The following IRX2 variants were observed in gnomAD, a reference collection of about 807,000 sequenced individuals.
IRX2 encodes iroquois-class homeodomain protein IRX-2.
Under a neutral mutation model 42.9 loss-of-function variants are expected in IRX2, and 26 were observed. The observed-to-expected ratio is 0.61, with a 90% CI of 0.44 to 0.84. The LOEUF is 0.84. Among genes scored for constraint, IRX2 ranks in the 40% least tolerant of loss-of-function variants. The pLI is 0.00. For synonymous variants in IRX2, 424 were observed against 353.9 expected, an observed-to-expected ratio of 1.20 and a Z score of -2.22; for missense variants, 782 against 713.9, an observed-to-expected ratio of 1.10 and a Z score of -1.09.
intron 1 of IRX2, among the ~76,000 whole-genome samples, chr5:2,750,181 C>T (rs1338724073): frequency 6.6e-6 from 1 of 152,128 alleles, no homozygotes; most frequent in African/African-American, 2.4e-5. Context: ...CTTCCCCTCC[C>T]TTATATGGTT....
At chr5:2,739,279 C>T in the IRX2 span, among the ~76,000 whole-genome samples, 1 of 152,204 alleles carries the variant, frequency 6.6e-6, no homozygotes. Context: ...CGAGGTGTCG[C>T]CTGCAAGGCA....
rs1203997782 is a variant in IRX2, at chr5:2,748,795, G to C, written c.913C>G (p.Arg305Gly). The C allele has an allele frequency of 7.0e-7, 1 of 1,421,056 alleles. No homozygotes were observed. Among genetic ancestry groups the C allele is most frequent in the Non-Finnish European group, 9.1e-7 (1 of 1,101,096 alleles). 88.0% of individuals were successfully genotyped at this position (1,421,056 alleles called of 1,614,324 possible). Residue 305 changes from arginine to glycine, a missense_variant, in exon 3 of 4, where the codon CGC (arginine) becomes GGC (glycine). Physicochemically the swap from Arg to Gly is moderately radical, Grantham distance 125. Transcript: ENST00000302057. ...LLSPPPEAAP[R>G]GGRKTPQGSR... The stretch of plus-strand genomic sequence containing the variant: ...CCCTGGGGCGTCTTGCGGCCACCGC[G>C]GGGCGCGGCCTCGGGCGGGGGGCTC...
intron 1 of IRX2, among the ~76,000 whole-genome samples, chr5:2,750,933 G>A (rs1034877120): frequency 1.3e-5 from 2 of 151,988 alleles, no homozygotes; most frequent in Non-Finnish European, 2.9e-5. Flanking sequence ...GGGACGCGCG[G>A]GGGGCGCGCG....
At position 2,749,424 on chromosome 5, in the gene IRX2, C is replaced by A; in HGVS notation, c.613G>T (p.Asp205Tyr). Residue 205 changes from aspartate to tyrosine, a missense_variant, in exon 2 of 4, where the codon GAC (aspartate) becomes TAC (tyrosine). By Grantham distance (160) the Asp-to-Tyr change is radical. Transcript: ENST00000302057. ...GTCTCCGTGCCCTCCTGCGCCTTGT[C>A]GGGACTCTCGTCCTTGCTTCTGGTA... Reference protein sequence around the residue: ...DATRSKDESPDKAQEGTETSA... With the variant: ...DATRSKDESPYKAQEGTETSA... 2 of 1,614,058 alleles carry A rather than the reference C, an allele frequency of 1.2e-6. No individual in the cohort carries two copies. Among genetic ancestry groups the A allele is most frequent in the Non-Finnish European group, 1.7e-6 (2 of 1,179,984 alleles).
rs748509438 is a variant in IRX2, at chr5:2,749,728, G to A, written c.309C>T (p.Tyr103=). ...GMTGAISYHP[Y]GSAAYPYQLN... ...GCTGGTACGGGTAGGCCGCGCTGCC[G>A]TACGGGTGGTAGCTGATGGCGCCGG... Residue 103 remains tyrosine, a synonymous_variant, in exon 2 of 4, where the codon TAC becomes TAT. Coordinates refer to ENST00000302057, the MANE Select transcript of IRX2 (RefSeq NM_033267.5). 4 of 1,613,640 alleles carry A rather than the reference G, an allele frequency of 2.5e-6. No individual in the cohort carries two copies. In the Admixed American group the frequency reaches 6.7e-5, roughly 27 times the overall value.
At chr5:2,736,798 C>T in the IRX2 span, 1 of 152,192 alleles carries the variant, frequency 6.6e-6, no homozygotes, top group Non-Finnish European at 1.5e-5. Flanking sequence ...GCCAGACGTA[C>T]ATAAGAATCA....
At chr5:2,748,306 C>T (rs778906273) in intron 3 of IRX2, 39 bp downstream of exon 3, 1 of 1,373,894 alleles carries the variant, frequency 7.3e-7, no homozygotes, top group Admixed American at 4.0e-5. Flanking sequence ...GGCTGGCTCT[C>T]CCTCCCCTCC....
chr5:2,740,184 G>T, the IRX2 span, among the ~76,000 whole-genome samples: 11 of 150,650 alleles, frequency 7.3e-5, no homozygotes, highest in African/African-American at 2.0e-4. Flanking sequence ...GTGGCGTGCG[G>T]GGGCGGGGGT....
At chr5:2,749,088 G>A (rs760607294) in intron 2 of IRX2, 36 bp from the exon 3 acceptor site, 7 of 1,586,002 alleles carry the variant, frequency 4.4e-6, no homozygotes, top group African/African-American at 1.3e-5. Flanking sequence ...GGCACGAGGG[G>A]ACAGCGCAGG....
At chr5:2,747,909 A>AT (rs1737735630) in intron 3 of IRX2, among the ~76,000 whole-genome samples, 1 of 152,162 alleles carries the variant, frequency 6.6e-6, no homozygotes, top group South Asian at 2.1e-4. Context: ...AAAACATTTG[A>AT]TTTTATCTTT....
chr5:2,742,849 G>A (rs1737572742), downstream of IRX2, among the ~76,000 whole-genome samples: 1 of 152,104 alleles, frequency 6.6e-6, no homozygotes, highest in Non-Finnish European at 1.5e-5. Context: ...CTGTAACAGT[G>A]GTAGTTTAGT....
Position 2,751,651 on chromosome 5 carries a change from G to A in IRX2, c.-238C>T, listed in dbSNP as rs1406851731. 5 of 151,380 alleles carry A rather than the reference G, an allele frequency of 3.3e-5. No homozygotes were observed. Among genetic ancestry groups the A allele is most frequent in the Non-Finnish European group, 5.9e-5 (4 of 68,016 alleles). 9.4% of individuals were successfully genotyped at this position (151,380 alleles called of 1,614,324 possible). A position where few individuals can be genotyped will look rare whatever the true frequency, so the allele number is the denominator to read the frequency against. On this transcript the variant is annotated 5_prime_UTR_variant, in exon 1 of 4. Transcript: ENST00000302057. This position sits in a 1 kb window ranked among gnomAD's most constrained non-coding sequence, Gnocchi z 4.0. ...AGCCGCGCGCCAGGCCGGCGGTCGG[G>A]GTTTGGGGGAGTCTGGAGTCGGGAG...
At position 2,751,536 on chromosome 5, in the gene IRX2, G is replaced by C. The variant is rs972943123; in HGVS notation, c.-123C>G. ...GCACCCGGACGGCCGGCGGAGGCAG[G>C]CCGGCCCGGGTACTAGCCTGGGCGG... On this transcript the variant is annotated 5_prime_UTR_variant, in exon 1 of 4. Coordinates refer to ENST00000302057, the MANE Select transcript of IRX2 (RefSeq NM_033267.5). This position sits in a 1 kb window ranked among gnomAD's most constrained non-coding sequence, Gnocchi z 4.0. 1 of 614,862 alleles carries C rather than the reference G, an allele frequency of 1.6e-6. No homozygotes were observed. Among genetic ancestry groups the C allele is most frequent in the African/African-American group, 2.0e-5 (1 of 48,876 alleles). The allele number at this position is 614,862 out of a possible 1,614,324, so 38.1% of individuals were successfully genotyped here.
Position 2,746,529 on chromosome 5 carries a change from T to A in IRX2, c.*1035A>T, listed in dbSNP as rs1737669845. ...TCAAGATATCCTGAGAAAAACAGAT[T>A]GTTTTCAAAAGTCACACATACATCG... On this transcript the variant is annotated 3_prime_UTR_variant, in exon 4 of 4. Transcript: ENST00000302057. 1 of 152,372 alleles carries A rather than the reference T, an allele frequency of 6.6e-6. No individual in the cohort carries two copies. The highest frequency in any genetic ancestry group is 1.9e-4 in the East Asian group (1 of 5,206). 9.4% of individuals were successfully genotyped at this position (152,372 alleles called of 1,614,324 possible).
In IRX2 at chr5:2,751,227, C is replaced by A; in HGVS notation, c.187G>T (p.Gly63Trp). Residue 63 changes from glycine to tryptophan, a missense_variant, in exon 1 of 4, where the codon GGG becomes TGG. Coordinates refer to ENST00000302057, the MANE Select transcript of IRX2 (RefSeq NM_033267.5). This position sits in a 1 kb window ranked among gnomAD's most constrained non-coding sequence, Gnocchi z 4.0. ...TCGGCCGAGTACTGCAGCGGGCTCC[C>A]GAAGCCGGTGGCCGCCTGCGCCGTG... Reference protein sequence around the residue: ...AFTAQAATGFGSPLQYSADAA... With the variant: ...AFTAQAATGFWSPLQYSADAA... 7.3e-7 allele frequency: 1 copy of A among 1,368,336 alleles called. No homozygotes were observed. Among genetic ancestry groups the A allele is most frequent in the South Asian group, 1.6e-5 (1 of 62,484 alleles). 84.8% of individuals were successfully genotyped at this position (1,368,336 alleles called of 1,614,324 possible). A position where few individuals can be genotyped will look rare whatever the true frequency, so the allele number is the denominator to read the frequency against.
Position 2,747,218 on chromosome 5 carries a change from C to A in IRX2, c.*346G>T, listed in dbSNP as rs999147614. ...AATCTATTGTTTCAAAAGAAAACAACAGTAGTGTGTAATATATATATACAC... is the reference window on the plus strand; with the variant it reads ...AATCTATTGTTTCAAAAGAAAACAAAAGTAGTGTGTAATATATATATACAC... On this transcript the variant is annotated 3_prime_UTR_variant, in exon 4 of 4. Coordinates refer to ENST00000302057, the MANE Select transcript of IRX2 (RefSeq NM_033267.5). The A allele has an allele frequency of 6.4e-6, 1 of 156,232 alleles. No homozygotes were observed. The highest frequency in any genetic ancestry group is 1.4e-5 in the Non-Finnish European group (1 of 71,356). 9.7% of individuals were successfully genotyped at this position (156,232 alleles called of 1,614,324 possible). A position where few individuals can be genotyped will look rare whatever the true frequency, so the allele number is the denominator to read the frequency against.
rs1307930974 is a variant in IRX2, at chr5:2,746,202, A to T, written c.*1362T>A. 3 of 152,212 alleles carry T rather than the reference A, an allele frequency of 2.0e-5. No homozygotes were observed. The highest frequency in any genetic ancestry group is 7.2e-5 in the African/African-American group (3 of 41,438). The allele number at this position is 152,212 out of a possible 1,614,324, so 9.4% of individuals were successfully genotyped here. A position where few individuals can be genotyped will look rare whatever the true frequency, so the allele number is the denominator to read the frequency against. On this transcript the variant is annotated 3_prime_UTR_variant, in exon 4 of 4. Coordinates refer to ENST00000302057, the MANE Select transcript of IRX2 (RefSeq NM_033267.5). ...AGTCTGTTTTTATTTACAATTTAAG[A>T]TATAAATTAGTAAAGAATTCGTGTT... is the stretch of plus-strand genomic sequence containing the variant.
In IRX2 at chr5:2,748,513, T is replaced by C. The variant is rs1737772041; in HGVS notation, c.1195A>G (p.Asn399Asp). ...YGNYTNYGNL[N>D]AALQGQGLLR... is the part of the protein sequence containing the mutation. ...AGACCCTGGCCCTGCAGCGCCGCGT[T>C]CAAGTTCCCGTAGTTTGTGTAGTTG... Residue 399 changes from asparagine (N) to aspartate (D), a missense_variant, in exon 3 of 4, where the codon AAC becomes GAC. Transcript: ENST00000302057. 2 of 1,583,034 alleles carry C rather than the reference T, an allele frequency of 1.3e-6. No homozygotes were observed. Among genetic ancestry groups the C allele is most frequent in the African/African-American group, 2.8e-5 (2 of 71,128 alleles).
chr5:2,737,931 G>T, the IRX2 span, among the ~76,000 whole-genome samples: 2 of 152,156 alleles, frequency 1.3e-5, no homozygotes, highest in South Asian at 2.1e-4. Context: ...TGGCCTGGGG[G>T]TGTCCCCCTG....
Sources: allele counts gnomAD v4.1 joint callset (sites outside exome capture counted in the v4.1 genomes callset), GRCh38; gene constraint gnomAD v4.1.1; non-coding constraint Gnocchi (gnomAD v3.1); transcripts MANE v1.5; gene names NCBI Gene and HGNC (gene_info 2026-07-23, HGNC 2026-07-21).